GPC6: variants seen among roughly 807,000 people sequenced by gnomAD.
GPC6 encodes the protein glypican-6.
Under a neutral mutation model 55.2 loss-of-function variants are expected in GPC6, and 14 were observed. The ratio of observed to expected loss-of-function variants is 0.25; its 90% CI spans 0.17 to 0.40. The LOEUF is 0.40. GPC6 is among the 10% of genes least tolerant of loss of function. GPC6 has a pLI of 1.00. For missense variants in GPC6, 641 were observed against 708.5 expected (o/e 0.90, Z 1.08); for synonymous variants, 278 against 259.6 (o/e 1.07, Z -0.68).
chr13:93,942,694 G>T (rs894108932), intron 3 of GPC6, among the ~76,000 whole-genome samples: 1 of 152,146 alleles, frequency 6.6e-6, no homozygotes. Context: ...TTAGAAGCCA[G>T]TCCAGCTCAT....
At chr13:94,027,691 T>C (rs753154239) in intron 3 of GPC6, 38 bp from the exon 4 acceptor site, 2 of 1,596,418 alleles carry the variant, frequency 1.3e-6, no homozygotes, top group Non-Finnish European at 1.7e-6. Flanking sequence ...TTATCCTTCT[T>C]ATTTTTGATT....
At chr13:93,219,046 TA>T in the GPC6 span, among the ~76,000 whole-genome samples, 3 of 150,636 alleles carry the variant, frequency 2.0e-5, no homozygotes, top group East Asian at 5.9e-4. Context: ...GGTATATTAA[TA>T]TCATCAACCT....
chr13:94,316,623 A>G (rs1173362819), intron 6 of GPC6, among the ~76,000 whole-genome samples: 2 of 149,266 alleles, frequency 1.3e-5, no homozygotes, highest in African/African-American at 5.0e-5. Context: ...AGGCTGAGGC[A>G]GGAGAATGGC....
intron 1 of GPC6, among the ~76,000 whole-genome samples, chr13:93,341,059 T>A (rs1485480700): frequency 1.3e-5 from 2 of 152,226 alleles, no homozygotes; most frequent in African/African-American, 4.8e-5. Flanking sequence ...TCCAGCTCCA[T>A]CCAAGTTGCT....
chr13:93,989,919 C>CACATATATATATATGT (rs1555346860), intron 3 of GPC6, among the ~76,000 whole-genome samples: 2 of 119,284 alleles, frequency 1.7e-5, no homozygotes, highest in African/African-American at 5.3e-5. Context: ...TATATACACA[C>CACATATATATATATGT]ATATATATAT....
rs113796625 is a variant in GPC6 at position 93,425,263 on chromosome 13, T to C, written c.161-120000T>C. ...CTGGGTACTGGCCACTTTAGCAACA[T>C]TGAAATAATCTGATACACCGATTCC... On this transcript the variant is annotated intron_variant, in intron 1 of 8. Coordinates refer to ENST00000377047, the MANE Select transcript of GPC6 (RefSeq NM_005708.5). Among the ~76,000 whole-genome samples, 47 of 152,254 alleles carry C rather than the reference T, an allele frequency of 3.1e-4. 1 individual carries two copies. Among genetic ancestry groups the C allele is most frequent in the African/African-American group, 1.1e-3 (47 of 41,554 alleles).
intron 6 of GPC6, among the ~76,000 whole-genome samples, chr13:94,322,880 G>A (rs1174911964): frequency 6.6e-6 from 1 of 151,850 alleles, no homozygotes; most frequent in Admixed American, 6.6e-5. Context: ...AGTCTGCCCA[G>A]GCCAAAACTC....
chr13:93,503,755 T>G (rs1880608280), intron 1 of GPC6, among the ~76,000 whole-genome samples: 1 of 152,164 alleles, frequency 6.6e-6, no homozygotes, highest in Admixed American at 6.6e-5. Flanking sequence ...AGCTGTCATC[T>G]CTATCAGAAA....
At chr13:93,591,154 C>CAAAAAAAAAAAA (rs759879838) in intron 2 of GPC6, among the ~76,000 whole-genome samples, 1 of 67,058 alleles carries the variant, frequency 1.5e-5, no homozygotes, top group African/African-American at 4.0e-5. Flanking sequence ...TCTAATAAAG[C>CAAAAAAAAAAAA]AAAAGAAAAA....
intron 2 of GPC6, among the ~76,000 whole-genome samples, chr13:93,653,133 A>G (rs1880491273): frequency 1.3e-5 from 2 of 152,328 alleles, no homozygotes; most frequent in East Asian, 1.9e-4. Context: ...GGCAGCTGTC[A>G]GAATATGATG....
chr13:93,658,081 G>GA (rs1393016524), intron 2 of GPC6, among the ~76,000 whole-genome samples: 1 of 151,878 alleles, frequency 6.6e-6, no homozygotes, highest in Non-Finnish European at 1.5e-5. Flanking sequence ...ATGTTGGCAA[G>GA]AAAAAATACA....
At chr13:93,612,500 A>AAC (rs3138575) in intron 2 of GPC6, among the ~76,000 whole-genome samples, 12,470 of 139,208 alleles carry the variant, frequency 0.09, 613 homozygotes, top group Admixed American at 0.16. Flanking sequence ...CTCCGTCTAA[A>AAC]ACACACACAC....
intron 1 of GPC6, among the ~76,000 whole-genome samples, chr13:93,356,844 CTTG>C (rs1354558119): frequency 2.0e-5 from 3 of 152,048 alleles, no homozygotes; most frequent in African/African-American, 7.2e-5. Context: ...ATGGAATTGA[CTTG>C]TTGGGAGATG....
At chr13:93,995,814 G>C (rs556600793) in intron 3 of GPC6, among the ~76,000 whole-genome samples, 2 of 152,192 alleles carry the variant, frequency 1.3e-5, no homozygotes, top group Admixed American at 1.3e-4. Context: ...GATAGGAAAT[G>C]AATGTTTTTC....
intron 2 of GPC6, among the ~76,000 whole-genome samples, chr13:93,574,421 A>AG (rs1185058191): frequency 6.6e-6 from 1 of 152,118 alleles, no homozygotes; most frequent in African/African-American, 2.4e-5. Context: ...GCTAGGCAGA[A>AG]GGGGGGAAGG....
At chr13:93,301,195 A>C (rs1419727194) in intron 1 of GPC6, among the ~76,000 whole-genome samples, 1 of 152,192 alleles carries the variant, frequency 6.6e-6, no homozygotes, top group Non-Finnish European at 1.5e-5. Context: ...TGATAATGGG[A>C]ATGCAAAACT....
At chr13:94,348,387 A>G (rs1488001538) in intron 6 of GPC6, among the ~76,000 whole-genome samples, 1 of 152,152 alleles carries the variant, frequency 6.6e-6, no homozygotes, top group East Asian at 1.9e-4. Context: ...TTTGCAAATC[A>G]CCTGAAGATC....
At chr13:94,106,474 A>C (rs1360034692) in intron 4 of GPC6, among the ~76,000 whole-genome samples, 1 of 152,136 alleles carries the variant, frequency 6.6e-6, no homozygotes, top group Non-Finnish European at 1.5e-5. Context: ...GTTTCTAAGA[A>C]TCAAAGAGAC....
At chr13:93,617,446 T>C (rs913880347) in intron 2 of GPC6, among the ~76,000 whole-genome samples, 1 of 152,058 alleles carries the variant, frequency 6.6e-6, no homozygotes, top group African/African-American at 2.4e-5. Context: ...GAGAGAGATA[T>C]AACTTAAATA....
Sources: allele counts gnomAD v4.1 joint callset (sites outside exome capture counted in the v4.1 genomes callset), GRCh38; gene constraint gnomAD v4.1.1; transcripts MANE v1.5; gene names NCBI Gene and HGNC (gene_info 2026-07-23, HGNC 2026-07-21).